Variants in PARVB observed in about 807,000 individuals in gnomAD.
The protein encoded by PARVB is beta-parvin.
Under a neutral mutation model 47.0 loss-of-function variants are expected in PARVB, and 46 were observed. The ratio of observed to expected loss-of-function variants is 0.98; its 90% confidence interval spans 0.77 to 1.25. The LOEUF is 1.25. Among genes scored for constraint, PARVB ranks in the 50% most tolerant of loss-of-function variants. The probability of loss-of-function intolerance (pLI) is 0.00; values close to 1 mark genes in which losing one functional copy is unlikely to be tolerated. For missense variants in PARVB, 473 were observed against 471.6 expected (o/e 1.00, Z -0.03); for synonymous variants, 196 against 196.3 (o/e 1.00, Z 0.01).
chr22:44,006,323 A>G (rs1041424020), intron 2 of PARVB, among the ~76,000 whole-genome samples: 2 of 152,218 alleles, frequency 1.3e-5, no homozygotes, highest in African/African-American at 4.8e-5. Context: ...ATCTGACGAT[A>G]CATTAGAAAT....
chr22:44,137,614 G>T (rs996623800), intron 7 of PARVB, among the ~76,000 whole-genome samples: 9 of 152,194 alleles, frequency 5.9e-5, no homozygotes, highest in Non-Finnish European at 1.0e-4. Flanking sequence ...TGTTCAGCCA[G>T]TCTCGCCTGG....
chr22:44,066,783 C>CTCCTCCTCCTCCTCCTT, intron 1 of PARVB, among the ~76,000 whole-genome samples: 1 of 31,798 alleles, frequency 3.1e-5, no homozygotes, highest in Non-Finnish European at 5.9e-5. Flanking sequence ...AATTATTTCT[C>CTCCTCCTCCTCCTCCTT]CTCCTCCTCC....
intron 2 of PARVB, among the ~76,000 whole-genome samples, chr22:44,014,620 T>A (rs1362329297): frequency 2.0e-5 from 3 of 152,222 alleles, no homozygotes; most frequent in Admixed American, 2.0e-4. Context: ...TGTTTGCTGC[T>A]CTGCAAAGCA....
intron 2 of PARVB, among the ~76,000 whole-genome samples, chr22:44,013,525 A>G (rs2050545746): frequency 6.6e-6 from 1 of 152,220 alleles, no homozygotes; most frequent in Non-Finnish European, 1.5e-5. Context: ...TCAACACAGA[A>G]CAGAGGTCGC....
At chr22:44,045,662 C>T (rs935538078) in intron 1 of PARVB, among the ~76,000 whole-genome samples, 3 of 152,206 alleles carry the variant, frequency 2.0e-5, no homozygotes, top group Non-Finnish European at 4.4e-5. Flanking sequence ...ACTCTTGTCT[C>T]CATCTTGTTG....
intron 4 of PARVB, among the ~76,000 whole-genome samples, chr22:44,119,392 G>A (rs561928925): frequency 3.3e-5 from 5 of 152,306 alleles, no homozygotes; most frequent in South Asian, 4.1e-4. Context: ...AACTGCCTGC[G>A]GCTCCCATCC....
chr22:44,016,072 T>C (rs1405474034), intron 2 of PARVB, among the ~76,000 whole-genome samples: 1 of 150,960 alleles, frequency 6.6e-6, no homozygotes, highest in African/African-American at 2.4e-5. Flanking sequence ...AGCTCTTCTC[T>C]GTCTTTTTCT....
chr22:44,150,467 T>G (rs1181083476), intron 9 of PARVB: 2 of 149,298 alleles, frequency 1.3e-5, no homozygotes, highest in Non-Finnish European at 3.0e-5. Context: ...AGGTCTGGAG[T>G]TCGAGACCAG....
At chr22:44,081,700 C>G in intron 1 of PARVB, 1 of 815,746 alleles carries the variant, frequency 1.2e-6, no homozygotes, top group Non-Finnish European at 1.5e-6. Flanking sequence ...CCATTGCCCC[C>G]CGCCTCGGTG....
intron 1 of PARVB, among the ~76,000 whole-genome samples, chr22:44,057,468 G>T (rs2051336877): frequency 6.6e-6 from 1 of 152,150 alleles, no homozygotes; most frequent in Admixed American, 6.5e-5. Context: ...GGCCCGAGGA[G>T]AGCTGGGACG....
At chr22:44,122,970 G>T (rs900746998) in intron 4 of PARVB, among the ~76,000 whole-genome samples, 4 of 152,192 alleles carry the variant, frequency 2.6e-5, no homozygotes, top group Admixed American at 6.5e-5. Flanking sequence ...TCCTCGTGCA[G>T]ATGTTACAGA....
chr22:44,133,623 C>T (rs2053378307), intron 6 of PARVB, among the ~76,000 whole-genome samples: 1 of 152,224 alleles, frequency 6.6e-6, no homozygotes. Flanking sequence ...ACTGCAGCCT[C>T]AACCTCTTGG....
upstream of PARVB, among the ~76,000 whole-genome samples, chr22:44,023,537 C>CAAAATAAAAT (rs869277920): frequency 4.0e-4 from 51 of 127,394 alleles, 2 homozygotes; most frequent in Middle Eastern, 4.1e-3. Flanking sequence ...TAAAACAAAA[C>CAAAATAAAAT]AAAATAAAAT....
intron 6 of PARVB, among the ~76,000 whole-genome samples, chr22:44,136,059 C>G (rs185991890): frequency 2.0e-5 from 3 of 152,174 alleles, no homozygotes; most frequent in Non-Finnish European, 4.4e-5. Context: ...TCTTCAGTCC[C>G]GTGCACACAC....
At position 44,132,840 on chromosome 22, in the gene PARVB, C is replaced by T. The variant is rs1463928876; in HGVS notation, c.518-54C>T. 29 of 1,240,614 alleles carry T rather than the reference C, an allele frequency of 2.3e-5. No homozygotes were observed. In the South Asian group the frequency reaches 3.4e-4, roughly 15 times the overall value. 76.9% of individuals were successfully genotyped at this position (1,240,614 alleles called of 1,614,324 possible). A position where few individuals can be genotyped will look rare whatever the true frequency, so the allele number is the denominator to read the frequency against. ...CTCTGTTGCCTTCTGCACGTGGGCTCAGGTTCCTGTGTAACCTGATCTAAA... is the reference window on the plus strand; with the variant it reads ...CTCTGTTGCCTTCTGCACGTGGGCTTAGGTTCCTGTGTAACCTGATCTAAA... On this transcript the variant is annotated intron_variant, in intron 5 of 12. Coordinates refer to ENST00000338758, the MANE Select transcript of PARVB (RefSeq NM_013327.5).
At chr22:44,075,468 G>C (rs538962153) in intron 1 of PARVB, among the ~76,000 whole-genome samples, 2 of 152,284 alleles carry the variant, frequency 1.3e-5, no homozygotes, top group Admixed American at 6.5e-5. Context: ...GGACCCACAT[G>C]GCCATATCAG....
At position 44,024,435 on chromosome 22, in the gene PARVB, GC is replaced by G; in HGVS notation, c.97del (p.Arg33GlyfsTer6). On this transcript the variant is annotated frameshift_variant, in exon 1 of 13. Transcript: ENST00000338758. LOFTEE classifies it high-confidence loss of function. ...GKLGGTLARK[R>X]RAREVSDLQE... is the part of the protein sequence containing the mutation. ...AGCTGGGCGGCACCCTGGCCAGGAA[GC>G]GGAGGGCGCGCGAGGGTGAGTGCGC... 1 of 1,206,858 alleles carries G rather than the reference GC, an allele frequency of 8.3e-7. No individual in the cohort carries two copies. Among genetic ancestry groups the G allele is most frequent in the Non-Finnish European group, 1.0e-6 (1 of 963,344 alleles). 74.8% of individuals were successfully genotyped at this position (1,206,858 alleles called of 1,614,324 possible).
At chr22:44,109,350 A>T (rs1261962739) in intron 3 of PARVB, 1 of 152,268 alleles carries the variant, frequency 6.6e-6, no homozygotes, top group African/African-American at 2.4e-5. Context: ...TTTTAAAAAA[A>T]TTCTGGTTAA....
intron 3 of PARVB, chr22:44,106,329 T>G (rs1341709228): frequency 6.6e-6 from 1 of 152,088 alleles, no homozygotes; most frequent in Non-Finnish European, 1.5e-5. Flanking sequence ...CCATCCACAT[T>G]ACCTGCGTAA....
Sources: allele counts gnomAD v4.1 joint callset (sites outside exome capture counted in the v4.1 genomes callset), GRCh38; gene constraint gnomAD v4.1.1; transcripts MANE v1.5; gene names NCBI Gene and HGNC (gene_info 2026-07-23, HGNC 2026-07-21).